The following DIXDC1 variants were observed in gnomAD, a reference collection of about 807,000 sequenced individuals.
The protein encoded by DIXDC1 is dixin.
DIXDC1 carries 64 observed loss-of-function variants against 103.1 expected under a neutral mutation model. That is an observed-to-expected ratio of 0.62 (90% CI 0.51 to 0.76). The LOEUF (loss-of-function observed/expected upper bound fraction) is 0.76, where lower values mean the gene tolerates loss of function less well. Among genes scored for constraint, DIXDC1 ranks in the 30% least tolerant of loss-of-function variants. The pLI, the probability that DIXDC1 is intolerant of heterozygous loss-of-function variation, is 0.00. For synonymous variants in DIXDC1, 266 were observed against 298.5 expected (o/e 0.89, Z 1.12); for missense variants, 759 against 834.2 (o/e 0.91, Z 1.11).
intron 17 of DIXDC1, among the ~76,000 whole-genome samples, chr11:112,010,487 A>G (rs890919196): frequency 2.0e-5 from 3 of 152,372 alleles, no homozygotes; most frequent in South Asian, 4.1e-4. Flanking sequence ...AAGAGCCCAC[A>G]TTGCCAAGGC....
intron 17 of DIXDC1, among the ~76,000 whole-genome samples, chr11:112,014,695 G>T (rs1555177542): frequency 6.6e-6 from 1 of 152,080 alleles, no homozygotes; most frequent in African/African-American, 2.4e-5. Flanking sequence ...ACCACATATA[G>T]TTTATTTTTA....
At position 111,977,546 on chromosome 11, in the gene DIXDC1, C is replaced by G; in HGVS notation, c.656+2563C>G. 1 of 1,457,068 alleles carries G rather than the reference C, an allele frequency of 6.9e-7. No homozygotes were observed. Among genetic ancestry groups the G allele is most frequent in the Non-Finnish European group, 9.0e-7 (1 of 1,105,784 alleles). The allele number at this position is 1,457,068 out of a possible 1,614,324, so 90.3% of individuals were successfully genotyped here. ...TCTGAGCGGCCGGGACTGCGCGCTT[C>G]AGAGCCTGGAGCATCCCAGTCGCTG... On this transcript the variant is annotated intron_variant, in intron 5 of 19. Coordinates refer to ENST00000440460, the MANE Select transcript of DIXDC1 (RefSeq NM_001037954.4). This position sits in a 1 kb window ranked among gnomAD's most constrained non-coding sequence, Gnocchi z 6.1.
upstream of DIXDC1, among the ~76,000 whole-genome samples, chr11:111,936,799 C>T (rs1352137825): frequency 6.6e-6 from 1 of 152,078 alleles, no homozygotes; most frequent in Non-Finnish European, 1.5e-5. Flanking sequence ...GATTCACTCC[C>T]TTTCCCACCC....
chr11:111,982,435 A>C lies in DIXDC1; in HGVS notation c.866A>C (p.Glu289Ala). 6.2e-7 allele frequency: 1 copy of C among 1,613,872 alleles called. No homozygotes were observed. ...SWEEQLLEQQEYLEKEMEEAK... is the reference protein window; with the variant it reads ...SWEEQLLEQQAYLEKEMEEAK... The stretch of plus-strand genomic sequence containing the variant: ...GAAGAACAGCTGTTGGAACAACAAG[A>C]ATATTTAGAAAAAGAAATGGAGGAA... Residue 289 changes from glutamate to alanine, a missense_variant, in exon 7 of 20, where the codon GAA becomes GCA. By Grantham distance (107) the Glu-to-Ala change is moderately radical (BLOSUM62 -1). Coordinates refer to ENST00000440460, the MANE Select transcript of DIXDC1 (RefSeq NM_001037954.4).
At chr11:112,001,147 A>G (rs1468989957) in intron 17 of DIXDC1, among the ~76,000 whole-genome samples, 2 of 152,234 alleles carry the variant, frequency 1.3e-5, no homozygotes, top group Admixed American at 1.3e-4. Flanking sequence ...CCATGCTACA[A>G]CGTGGATGAA....
At chr11:111,960,487 G>A (rs993319932) in intron 1 of DIXDC1, among the ~76,000 whole-genome samples, 1 of 151,190 alleles carries the variant, frequency 6.6e-6, no homozygotes, top group Non-Finnish European at 1.5e-5. Flanking sequence ...CCAGCTTCTC[G>A]GGAGGCTGAG....
intron 19 of DIXDC1, 66 bp from the exon 20 acceptor site, chr11:112,018,890 A>T: frequency 7.2e-7 from 1 of 1,391,664 alleles, no homozygotes; most frequent in Non-Finnish European, 1.0e-6. Flanking sequence ...TATTTTTATT[A>T]GCAGCAATTG....
intron 1 of DIXDC1, among the ~76,000 whole-genome samples, chr11:111,941,588 G>A (rs1311124923): frequency 1.3e-5 from 2 of 152,072 alleles, no homozygotes; most frequent in Admixed American, 1.3e-4. Flanking sequence ...GGCCGAGGCA[G>A]GAGGATGGCT....
At chr11:112,018,372 A>G (rs1555178025) in intron 19 of DIXDC1, among the ~76,000 whole-genome samples, 1 of 152,220 alleles carries the variant, frequency 6.6e-6, no homozygotes, top group African/African-American at 2.4e-5. Flanking sequence ...TTTGTCAAAG[A>G]TAGACTTTTG....
At chr11:111,972,047 A>G (rs782000538) in intron 3 of DIXDC1, among the ~76,000 whole-genome samples, 1 of 152,176 alleles carries the variant, frequency 6.6e-6, no homozygotes, top group Non-Finnish European at 1.5e-5. Context: ...GATGAGTTCA[A>G]TCGTACCCTA....
In DIXDC1 at chr11:111,995,071, C is replaced by T. The variant is rs374672017; in HGVS notation, c.1490C>T (p.Thr497Met). The T allele has an allele frequency of 1.4e-5, 23 of 1,613,790 alleles. No homozygotes were observed. The highest frequency in any genetic ancestry group is 2.2e-5 in the East Asian group (1 of 44,888). ...NSQSNGFLLP[T>M]AGKGATSVSN... The stretch of plus-strand genomic sequence containing the variant: ...CAAAGCAATGGTTTTCTCCTTCCAA[C>T]GGCAGGAAAAGGAGCTACTTCAGTC... Residue 497 changes from threonine (T) to methionine (M), a missense_variant, in exon 15 of 20, where the codon ACG becomes ATG. Physicochemically the swap from Thr to Met is moderately conservative, Grantham distance 81. This residue lies in a region of DIXDC1 where 657 missense variants were observed against 727.5 expected (regional missense o/e 0.90). Transcript: ENST00000440460.
Position 111,945,021 on chromosome 11 carries a change from A to C in DIXDC1, c.60+7462A>C, listed in dbSNP as rs1049071721. Among the ~76,000 whole-genome samples the C allele has an allele frequency of 2.0e-5, 3 of 152,200 alleles. No homozygotes were observed. The East Asian group carries it at 5.8e-4, about 29-fold the overall frequency. ...TTACAAGTGCCAAAAACCCAACTTG[A>C]ACTAGCAGGGATAGGAAGTGGACGT... On this transcript the variant is annotated intron_variant, in intron 1 of 19. Transcript: ENST00000440460.
At chr11:111,942,785 A>C (rs1489375843) in intron 1 of DIXDC1, among the ~76,000 whole-genome samples, 4 of 152,238 alleles carry the variant, frequency 2.6e-5, no homozygotes, top group African/African-American at 7.2e-5. Flanking sequence ...CTAATATATT[A>C]ATCTTCCCTT....
intron 1 of DIXDC1, among the ~76,000 whole-genome samples, chr11:111,947,935 T>C (rs1290551995): frequency 6.6e-6 from 1 of 152,194 alleles, no homozygotes; most frequent in Non-Finnish European, 1.5e-5. Context: ...GGAGGATGGC[T>C]TGAGGCCAGG....
rs1555177784 is a variant in DIXDC1 at position 112,016,770 on chromosome 11, G to A, written c.1836G>A (p.Thr612=). 4 of 1,607,734 alleles carry A rather than the reference G, an allele frequency of 2.5e-6. No individual in the cohort carries two copies. The highest frequency in any genetic ancestry group is 2.2e-5 in the East Asian group (1 of 44,790). The part of the protein sequence containing the change: ...KVLYFTDRSL[T]PFMVNIPKRL... ...TCTATTTCACTGACCGGTCACTTAC[G>A]CCCTTCATGGTCAATATACCAAAGA... is the stretch of plus-strand genomic sequence containing the variant. Residue 612 remains threonine (T), a synonymous_variant, in exon 18 of 20, where the codon ACG becomes ACA. Transcript: ENST00000440460.
In DIXDC1 at chr11:111,977,262, C is replaced by T. The variant is rs1330644507; in HGVS notation, c.656+2279C>T. The T allele has an allele frequency of 1.0e-6, 1 of 1,002,924 alleles. No homozygotes were observed. Among genetic ancestry groups the T allele is most frequent in the Non-Finnish European group, 1.2e-6 (1 of 841,882 alleles). The allele number at this position is 1,002,924 out of a possible 1,614,324, so 62.1% of individuals were successfully genotyped here. A position where few individuals can be genotyped will look rare whatever the true frequency, so the allele number is the denominator to read the frequency against. ...CTTGGGTCGGAGCCCGGCTGCCTCG[C>T]CGCGTGTGACAGCCCAGGGAGGGAG... is the stretch of plus-strand genomic sequence containing the variant. On this transcript the variant is annotated intron_variant, in intron 5 of 19. Coordinates refer to ENST00000440460, the MANE Select transcript of DIXDC1 (RefSeq NM_001037954.4). This position sits in a 1 kb window ranked among gnomAD's most constrained non-coding sequence, Gnocchi z 6.1.
intron 1 of DIXDC1, among the ~76,000 whole-genome samples, chr11:111,938,226 G>T (rs1271425911): frequency 6.6e-6 from 1 of 152,118 alleles, no homozygotes; most frequent in Non-Finnish European, 1.5e-5. Context: ...GGCCGACAAG[G>T]GGTCATTTCC....
chr11:111,999,118 T>C (rs939417167), intron 17 of DIXDC1, among the ~76,000 whole-genome samples: 1 of 152,248 alleles, frequency 6.6e-6, no homozygotes, highest in Admixed American at 6.5e-5. Flanking sequence ...TAGTGTACTG[T>C]GGAGCATATG....
In DIXDC1 at chr11:111,956,594, A is replaced by C. The variant is rs1859374367; in HGVS notation, c.61-7955A>C. Among the ~76,000 whole-genome samples the C allele has an allele frequency of 4.6e-5, 7 of 152,218 alleles. No homozygotes were observed. The South Asian group carries it at 1.5e-3, about 32-fold the overall frequency. On this transcript the variant is annotated intron_variant, in intron 1 of 19. Transcript: ENST00000440460. ...AACCTCCGCCTCCCAGGTTCAAGCG[A>C]TTCTCCTGCCTCAGCCTCCAAAGTA...
Sources: gnomAD v4.1 joint callset for allele counts (sites outside exome capture counted in the v4.1 genomes callset) on GRCh38, gnomAD v4.1.1 for gene constraint, gnomAD v4.1.1 regional missense constraint, Gnocchi (gnomAD v3.1) non-coding constraint, MANE v1.5 for transcripts, NCBI Gene and HGNC (gene_info 2026-07-23, HGNC 2026-07-21) for gene names.